ANO6: variants seen among roughly 807,000 people sequenced by gnomAD.
ANO6 encodes anoctamin 6, also known as anoctamin-6.
A neutral mutation model predicts 117.5 loss-of-function variants in ANO6; 106 were observed. The ratio of observed to expected loss-of-function variants is 0.90; its 90% CI spans 0.77 to 1.06. The LOEUF (loss-of-function observed/expected upper bound fraction) is 1.06, where lower values mean the gene tolerates loss of function less well. Ranked by LOEUF, ANO6 falls within the 50% of genes least tolerant of loss-of-function variation. ANO6 has a pLI of 0.00. For missense variants in ANO6, 955 were observed against 1,121.1 expected, an observed-to-expected ratio of 0.85 and a Z score of 2.12; for synonymous variants, 367 against 385.1, an observed-to-expected ratio of 0.95 and a Z score of 0.55.
chr12:45,241,353 G>A (rs1340702565), intron 1 of ANO6, among the ~76,000 whole-genome samples: 1 of 152,094 alleles, frequency 6.6e-6, no homozygotes, highest in East Asian at 1.9e-4. Context: ...AGCTATTGAA[G>A]CTTCTGCATG....
At chr12:45,388,030 C>T in intron 10 of ANO6, 131 bp from the exon 11 acceptor site, 5 of 1,205,404 alleles carry the variant, frequency 4.1e-6, no homozygotes, top group African/African-American at 1.5e-5. Flanking sequence ...ATGAATTACC[C>T]AGTCCAGGTA....
intron 1 of ANO6, among the ~76,000 whole-genome samples, chr12:45,239,867 A>G (rs549810688): frequency 1.3e-5 from 2 of 152,228 alleles, no homozygotes; most frequent in Admixed American, 1.3e-4. Flanking sequence ...TTCTAATTTG[A>G]TTGCACTATG....
intron 10 of ANO6, among the ~76,000 whole-genome samples, chr12:45,381,263 G>A (rs1402414818): frequency 6.6e-6 from 1 of 152,184 alleles, no homozygotes; most frequent in East Asian, 1.9e-4. Context: ...AGCTGTTATT[G>A]ATCCCCAAGT....
rs1941724372 is a variant in ANO6 at position 45,367,769 on chromosome 12, C to G, written c.1080C>G (p.Leu360=). The part of the protein sequence containing the change: ...QCDRLCPFWK[L]NITCESSKKL... ...ATAGGCTTTGTCCATTCTGGAAACT[C>G]AATATTACTTGCGAGTCCTCAAAGG... is the stretch of plus-strand genomic sequence containing the variant. Residue 360 remains leucine, a synonymous_variant, in exon 9 of 20, where the codon CTC becomes CTG. Transcript: ENST00000320560. The G allele has an allele frequency of 6.2e-7, 1 of 1,613,554 alleles. No individual in the cohort carries two copies. The highest frequency in any genetic ancestry group is 8.5e-7 in the Non-Finnish European group (1 of 1,179,808).
At chr12:45,412,535 C>T (rs1446496194) in intron 16 of ANO6, among the ~76,000 whole-genome samples, 4 of 152,204 alleles carry the variant, frequency 2.6e-5, no homozygotes, top group Non-Finnish European at 5.9e-5. Context: ...ACCGATGCCT[C>T]TGCTGCACTC....
intron 9 of ANO6, among the ~76,000 whole-genome samples, chr12:45,369,717 A>G (rs977790230): frequency 6.6e-6 from 1 of 152,166 alleles, no homozygotes; most frequent in Non-Finnish European, 1.5e-5. Flanking sequence ...GTATTCATTT[A>G]CACATCTTTC....
chr12:45,402,207 C>G (rs1362307278), intron 13 of ANO6, among the ~76,000 whole-genome samples, 187 bp downstream of exon 13: 2 of 152,132 alleles, frequency 1.3e-5, no homozygotes, highest in Non-Finnish European at 2.9e-5. Flanking sequence ...GTAAAAGGGA[C>G]AAAGCAAAGA....
chr12:45,375,178 C>T (rs534040190), intron 9 of ANO6, among the ~76,000 whole-genome samples: 1 of 152,294 alleles, frequency 6.6e-6, no homozygotes, highest in East Asian at 1.9e-4. Context: ...GGAAGAACTA[C>T]AAACCACTGC....
At chr12:45,412,694 A>G (rs866664150) in intron 16 of ANO6, among the ~76,000 whole-genome samples, 1 of 152,168 alleles carries the variant, frequency 6.6e-6, no homozygotes, top group African/African-American at 2.4e-5. Context: ...CCAGCTCTTC[A>G]TTTGTTCATT....
intron 1 of ANO6, among the ~76,000 whole-genome samples, chr12:45,274,243 C>T (rs1938477782): frequency 6.6e-6 from 1 of 152,174 alleles, no homozygotes; most frequent in South Asian, 2.1e-4. Flanking sequence ...TATGTCCACT[C>T]CTTATCTCTC....
intron 2 of ANO6, among the ~76,000 whole-genome samples, chr12:45,330,877 C>T (rs1940639287): frequency 6.6e-6 from 1 of 151,908 alleles, no homozygotes; most frequent in African/African-American, 2.4e-5. Flanking sequence ...GAAAATAAGA[C>T]ATAAGAAGGA....
downstream of ANO6, among the ~76,000 whole-genome samples, chr12:45,434,374 A>C (rs997580982): frequency 3.9e-5 from 6 of 152,226 alleles, no homozygotes; most frequent in Admixed American, 3.3e-4. Flanking sequence ...ACAGCCCTGG[A>C]AACAAGCGAC....
intron 1 of ANO6, among the ~76,000 whole-genome samples, chr12:45,239,208 C>G (rs1158757136): frequency 3.3e-5 from 5 of 152,162 alleles, no homozygotes; most frequent in Admixed American, 3.3e-4. Context: ...ATTATTGCCT[C>G]AATTTCAGAG....
chr12:45,318,768 C>T (rs1033303917), intron 2 of ANO6, among the ~76,000 whole-genome samples: 1 of 152,072 alleles, frequency 6.6e-6, no homozygotes, highest in Non-Finnish European at 1.5e-5. Context: ...ATGGAATGTT[C>T]TTCCATTTGT....
chr12:45,297,188 A>T (rs887816393), intron 1 of ANO6, among the ~76,000 whole-genome samples: 3 of 152,132 alleles, frequency 2.0e-5, no homozygotes, highest in African/African-American at 7.2e-5. Context: ...CTCTCTATAT[A>T]TTCACTATCT....
intron 7 of ANO6, among the ~76,000 whole-genome samples, chr12:45,353,738 AAG>A (rs1249379792): frequency 6.6e-6 from 1 of 152,184 alleles, no homozygotes; most frequent in Admixed American, 6.5e-5. Context: ...ACAGGTAAAA[AAG>A]AAAAGTTTCC....
chr12:45,292,142 A>G (rs1034537178), intron 1 of ANO6, among the ~76,000 whole-genome samples: 3 of 152,262 alleles, frequency 2.0e-5, no homozygotes, highest in Non-Finnish European at 4.4e-5. Context: ...AGAAAGGAAC[A>G]AAGTTCTGAT....
At chr12:45,327,374 T>G (rs1167857139) in intron 2 of ANO6, among the ~76,000 whole-genome samples, 1 of 152,190 alleles carries the variant, frequency 6.6e-6, no homozygotes, top group Non-Finnish European at 1.5e-5. Context: ...GATGACAGTT[T>G]AGCAACCAGT....
At chr12:45,225,544 A>G (rs1449945195) in intron 1 of ANO6, among the ~76,000 whole-genome samples, 1 of 151,480 alleles carries the variant, frequency 6.6e-6, no homozygotes, top group African/African-American at 2.4e-5. Flanking sequence ...GCTGGAGTGC[A>G]GTGGCAAGAT....
Sources: gnomAD v4.1 joint callset for allele counts (sites outside exome capture counted in the v4.1 genomes callset) on GRCh38, gnomAD v4.1.1 for gene constraint, MANE v1.5 for transcripts, NCBI Gene and HGNC (gene_info 2026-07-23, HGNC 2026-07-21) for gene names.